The following FSTL5 variants were observed in gnomAD, a reference collection of about 807,000 sequenced individuals.
The protein encoded by FSTL5 is follistatin-related protein 5.
A neutral mutation model predicts 89.1 loss-of-function variants in FSTL5; 62 were observed. The ratio of observed to expected loss-of-function variants is 0.70; its 90% CI spans 0.57 to 0.86. FSTL5 has a LOEUF of 0.86. FSTL5 is among the 40% of genes least tolerant of loss of function. The pLI, the probability that FSTL5 is intolerant of heterozygous loss-of-function variation, is 0.00. For missense variants in FSTL5, 1,057 were observed against 1,001.6 expected, an observed-to-expected ratio of 1.06 and a Z score of -0.75; for synonymous variants, 383 against 346.2, an observed-to-expected ratio of 1.11 and a Z score of -1.18.
At chr4:161,642,815 G>GTGTT (rs1280988938) in intron 7 of FSTL5, among the ~76,000 whole-genome samples, 1 of 151,950 alleles carries the variant, frequency 6.6e-6, no homozygotes, top group Non-Finnish European at 1.5e-5. Flanking sequence ...ATGGGCATTT[G>GTGTT]TGTTTCATGG....
rs573005948 is a variant in FSTL5, at chr4:161,687,013, CCA to C, written c.728-30521_728-30520del. The stretch of plus-strand genomic sequence containing the variant: ...ATTATCATGAAACAAAAAACACACC[CCA>C]CACACAAACACACATACACATTTTG... On this transcript the variant is annotated intron_variant, in intron 6 of 15. Transcript: ENST00000306100. Among the ~76,000 whole-genome samples the C allele has an allele frequency of 2.1e-3, 312 of 152,122 alleles. 1 individual carries two copies. The highest frequency in any genetic ancestry group is 2.3e-3 in the Non-Finnish European group (158 of 67,976).
At chr4:162,068,927 A>G (rs1235346946) in intron 2 of FSTL5, among the ~76,000 whole-genome samples, 4 of 152,146 alleles carry the variant, frequency 2.6e-5, no homozygotes, top group Admixed American at 2.0e-4. Flanking sequence ...TTTGTGGCCA[A>G]CAAGCATTTG....
intron 6 of FSTL5, among the ~76,000 whole-genome samples, chr4:161,726,520 G>A (rs1232002238): frequency 6.6e-6 from 1 of 151,920 alleles, no homozygotes; most frequent in Non-Finnish European, 1.5e-5. Context: ...GAGCCGCCGC[G>A]CCTGGACAGG....
chr4:161,705,295 T>C (rs1199157113), intron 6 of FSTL5, among the ~76,000 whole-genome samples: 1 of 152,122 alleles, frequency 6.6e-6, no homozygotes, highest in East Asian at 1.9e-4. Context: ...CTAAACCTGT[T>C]ATGACAACTG....
chr4:161,935,654 T>G (rs1013668395), intron 3 of FSTL5, among the ~76,000 whole-genome samples: 2 of 152,104 alleles, frequency 1.3e-5, no homozygotes, highest in African/African-American at 4.8e-5. Context: ...GGATATCAAA[T>G]TTTTCCTCCT....
intron 6 of FSTL5, among the ~76,000 whole-genome samples, chr4:161,695,914 G>A (rs1002457326): frequency 3.3e-5 from 5 of 152,052 alleles, no homozygotes; most frequent in Non-Finnish European, 7.4e-5. Flanking sequence ...TGGGTTGTCT[G>A]TTTACTCTGC....
At chr4:161,813,692 T>C (rs1467475741) in intron 4 of FSTL5, among the ~76,000 whole-genome samples, 2 of 152,154 alleles carry the variant, frequency 1.3e-5, no homozygotes, top group Non-Finnish European at 2.9e-5. Flanking sequence ...AGTTATTTTA[T>C]CTAAATGACG....
chr4:161,938,590 A>G (rs1734495061), intron 3 of FSTL5, among the ~76,000 whole-genome samples: 1 of 152,114 alleles, frequency 6.6e-6, no homozygotes, highest in Non-Finnish European at 1.5e-5. Context: ...ATGGTTAATT[A>G]AAATGGATAC....
chr4:161,646,944 C>T (rs1736174126), intron 7 of FSTL5, among the ~76,000 whole-genome samples: 4 of 152,042 alleles, frequency 2.6e-5, no homozygotes, highest in Non-Finnish European at 4.4e-5. Context: ...TCTCTACTTC[C>T]ATACATTGCC....
intron 7 of FSTL5, among the ~76,000 whole-genome samples, chr4:161,650,164 G>C (rs183966998): frequency 1.3e-5 from 2 of 152,048 alleles, no homozygotes; most frequent in African/African-American, 4.8e-5. Flanking sequence ...ATACTAAGAG[G>C]AACAATGAGA....
In FSTL5 at chr4:161,726,352, G is replaced by A. The variant is rs527490064; in HGVS notation, c.727+33059C>T. Among the ~76,000 whole-genome samples, 12 of 147,840 alleles carry A rather than the reference G, an allele frequency of 8.1e-5. No individual in the cohort carries two copies. In the South Asian group the frequency reaches 2.6e-3, roughly 32 times the overall value. On this transcript the variant is annotated intron_variant, in intron 6 of 15. Transcript: ENST00000306100. ...AGCAATTCTCCTGTGTCAGCCTCCC[G>A]AGTAGCTGGGACTACTGGAGCATGC...
At chr4:161,954,634 C>G (rs1362724736) in intron 3 of FSTL5, among the ~76,000 whole-genome samples, 1 of 151,586 alleles carries the variant, frequency 6.6e-6, no homozygotes, top group Non-Finnish European at 1.5e-5. Flanking sequence ...TGTCTATCAT[C>G]TATCATCATG....
intron 3 of FSTL5, chr4:162,032,640 G>A (rs143766771): frequency 1.5e-4 from 23 of 152,152 alleles, no homozygotes; most frequent in African/African-American, 5.1e-4. Context: ...ATTCAGTTGT[G>A]GGGAAATGTG....
chr4:161,944,871 T>G (rs1027236190), intron 3 of FSTL5, among the ~76,000 whole-genome samples: 2 of 151,608 alleles, frequency 1.3e-5, no homozygotes, highest in African/African-American at 4.8e-5. Flanking sequence ...TAGATTTATA[T>G]TAAAATATAA....
chr4:162,022,343 C>T lies in FSTL5; in HGVS notation c.160+11282G>A, dbSNP rs187830571. Among the ~76,000 whole-genome samples the T allele has an allele frequency of 5.8e-3, 887 of 151,726 alleles. 12 individuals carry two copies. Among genetic ancestry groups the T allele is most frequent in the African/African-American group, 0.021 (857 of 41,422 alleles). ...ATATGTCATACAATCTATAATATTG[C>T]ATTTCATATATTAATATTGTATATT... On this transcript the variant is annotated intron_variant, in intron 3 of 15. Transcript: ENST00000306100.
chr4:161,836,234 C>T (rs1447134801), intron 4 of FSTL5, among the ~76,000 whole-genome samples: 1 of 138,124 alleles, frequency 7.2e-6, no homozygotes, highest in African/African-American at 2.8e-5. Context: ...TATTCTCACT[C>T]ATAGGTGGGA....
intron 8 of FSTL5, among the ~76,000 whole-genome samples, chr4:161,566,663 G>C (rs1732827066): frequency 6.6e-6 from 1 of 151,914 alleles, no homozygotes; most frequent in African/African-American, 2.4e-5. Flanking sequence ...GGTGTGAGAT[G>C]GTATCTCATT....
chr4:161,678,518 TAA>T (rs1403047560), intron 6 of FSTL5, among the ~76,000 whole-genome samples: 10 of 151,962 alleles, frequency 6.6e-5, no homozygotes, highest in South Asian at 2.1e-4. Flanking sequence ...ATATTACAAT[TAA>T]AAGAGTCAAG....
In FSTL5 at chr4:161,520,192, A is replaced by G. The variant is rs57505008; in HGVS notation, c.1313-9768T>C. Among the ~76,000 whole-genome samples the G allele has an allele frequency of 6.5e-3, 989 of 152,012 alleles. 9 individuals carry two copies. Among genetic ancestry groups the G allele is most frequent in the African/African-American group, 0.022 (899 of 41,530 alleles). ...GTTCAAGAAAAAAATTAAGATGGTA[A>G]AGCTTTAAAGCTTTCTTTAAAGTTG... On this transcript the variant is annotated intron_variant, in intron 10 of 15. Transcript: ENST00000306100.
Sources: gnomAD v4.1 joint callset for allele counts (sites outside exome capture counted in the v4.1 genomes callset) on GRCh38, gnomAD v4.1.1 for gene constraint, MANE v1.5 for transcripts, NCBI Gene and HGNC (gene_info 2026-07-23, HGNC 2026-07-21) for gene names.